NRXN3: variants seen among roughly 807,000 people sequenced by gnomAD.
NRXN3 encodes the protein neurexin III.
In NRXN3, 32 loss-of-function variants were observed where a neutral mutation model predicts 137.6. The ratio of observed to expected loss-of-function variants is 0.23; its 90% CI spans 0.18 to 0.31. The LOEUF is 0.31. Ranked by LOEUF, NRXN3 falls within the 10% of genes least tolerant of loss-of-function variation. NRXN3 has a pLI of 1.00. For synonymous variants in NRXN3, 798 were observed against 784.5 expected (o/e 1.02, Z -0.29); for missense variants, 1,574 against 2,062.5 (o/e 0.76, Z 4.59).
intron 10 of NRXN3, among the ~76,000 whole-genome samples, chr14:78,832,485 G>A (rs1247934582): frequency 1.3e-5 from 2 of 152,156 alleles, no homozygotes; most frequent in Non-Finnish European, 2.9e-5. Context: ...GGCTAAGTAA[G>A]CATGAAAGTG....
rs558855664 is a variant in NRXN3 at position 79,246,726 on chromosome 14, G to A, written c.3263-220495G>A. 8 of 152,266 alleles carry A rather than the reference G, an allele frequency of 5.3e-5. No homozygotes were observed. In the South Asian group the frequency reaches 1.7e-3, roughly 32 times the overall value. The allele number at this position is 152,266 out of a possible 1,614,324, so 9.4% of individuals were successfully genotyped here. On this transcript the variant is annotated intron_variant, in intron 15 of 20. Coordinates refer to ENST00000335750, the MANE Select transcript of NRXN3 (RefSeq NM_001330195.2). Reference sequence around the variant, plus strand: ...AAAGCAAAACTGGATCAGGTTTACAGATGATGAGTTTTGTTTTCCCTGCAA... The same window carrying A: ...AAAGCAAAACTGGATCAGGTTTACAAATGATGAGTTTTGTTTTCCCTGCAA...
At chr14:79,096,055 G>C (rs1255081229) in intron 15 of NRXN3, among the ~76,000 whole-genome samples, 4 of 151,346 alleles carry the variant, frequency 2.6e-5, no homozygotes, top group Admixed American at 2.6e-4. Context: ...TTCTTCCTGA[G>C]GCCCCTCCTC....
At chr14:79,441,364 A>ATTTTTTTTTTT (rs2095942733) in intron 15 of NRXN3, among the ~76,000 whole-genome samples, 1 of 108,332 alleles carries the variant, frequency 9.2e-6, no homozygotes, top group Admixed American at 9.7e-5. Flanking sequence ...CAAACAGAAA[A>ATTTTTTTTTTT]TCTTTTTTTT....
intron 14 of NRXN3, among the ~76,000 whole-genome samples, chr14:78,973,749 G>A (rs754131679): frequency 2.0e-5 from 3 of 152,148 alleles, no homozygotes; most frequent in Non-Finnish European, 2.9e-5. Flanking sequence ...AACAAGGGAG[G>A]AACAAGCATT....
At chr14:79,720,601 A>G (rs935792276) in intron 19 of NRXN3, among the ~76,000 whole-genome samples, 1 of 152,132 alleles carries the variant, frequency 6.6e-6, no homozygotes, top group African/African-American at 2.4e-5. Flanking sequence ...CTGCTATGCA[A>G]TCTATAATGA....
At chr14:79,185,078 A>G (rs1480975067) in intron 15 of NRXN3, among the ~76,000 whole-genome samples, 2 of 152,234 alleles carry the variant, frequency 1.3e-5, no homozygotes, top group Non-Finnish European at 2.9e-5. Flanking sequence ...TTAAGAAGTT[A>G]TTAGTCCTTT....
chr14:78,796,978 C>A (rs1290821590), intron 8 of NRXN3, among the ~76,000 whole-genome samples: 1 of 152,050 alleles, frequency 6.6e-6, no homozygotes, highest in Non-Finnish European at 1.5e-5. Flanking sequence ...GAACATGAGG[C>A]AAGATCATAA....
intron 16 of NRXN3, among the ~76,000 whole-genome samples, chr14:79,487,043 C>A (rs2096663973): frequency 6.6e-6 from 1 of 151,598 alleles, no homozygotes; most frequent in African/African-American, 2.4e-5. Context: ...AAAGGTTCTG[C>A]AGCCAGATTG....
chr14:79,071,661 G>C (rs546157444), intron 15 of NRXN3, among the ~76,000 whole-genome samples: 1 of 152,276 alleles, frequency 6.6e-6, no homozygotes, highest in South Asian at 2.1e-4. Flanking sequence ...ATGGTTACCA[G>C]AGGCTGGGAA....
intron 4 of NRXN3, among the ~76,000 whole-genome samples, chr14:78,605,686 T>C (rs1483872076): frequency 1.3e-5 from 2 of 151,890 alleles, no homozygotes; most frequent in Non-Finnish European, 2.9e-5. Context: ...AGTGCTATAT[T>C]TGAACATCTA....
At chr14:78,281,559 G>C (rs144499103) in intron 3 of NRXN3, among the ~76,000 whole-genome samples, 2,016 of 152,274 alleles carry the variant, frequency 0.013, 17 homozygotes, top group Non-Finnish European at 0.022. Context: ...AAAAGGGGCA[G>C]GCACATTTTC....
At chr14:79,357,320 A>G (rs1324531413) in intron 15 of NRXN3, among the ~76,000 whole-genome samples, 1 of 152,198 alleles carries the variant, frequency 6.6e-6, no homozygotes, top group East Asian at 1.9e-4. Context: ...TTCATAATTT[A>G]TTATAAACTT....
intron 1 of NRXN3, among the ~76,000 whole-genome samples, chr14:78,175,650 G>A (rs2059189019): frequency 6.6e-6 from 1 of 152,108 alleles, no homozygotes; most frequent in Non-Finnish European, 1.5e-5. Context: ...GCGGTGCTGT[G>A]GCTGGGCCAG....
intron 15 of NRXN3, among the ~76,000 whole-genome samples, chr14:79,061,604 TG>T (rs1186194105): frequency 1.3e-5 from 2 of 152,154 alleles, no homozygotes; most frequent in African/African-American, 4.8e-5. Flanking sequence ...AGCACTGCAG[TG>T]GAATGCTGTG....
At chr14:78,483,328 A>G (rs977542299) in intron 4 of NRXN3, among the ~76,000 whole-genome samples, 3 of 152,144 alleles carry the variant, frequency 2.0e-5, no homozygotes, top group Non-Finnish European at 4.4e-5. Flanking sequence ...CAACTCTTAA[A>G]TTTCTCTCCA....
intron 15 of NRXN3, among the ~76,000 whole-genome samples, chr14:79,144,233 C>T (rs1488545898): frequency 6.6e-6 from 1 of 152,158 alleles, no homozygotes; most frequent in Admixed American, 6.5e-5. Context: ...AACACAGTCC[C>T]CACCATGCCC....
intron 4 of NRXN3, among the ~76,000 whole-genome samples, chr14:78,362,389 T>C (rs1328261698): frequency 2.0e-5 from 3 of 152,136 alleles, no homozygotes; most frequent in Admixed American, 6.5e-5. Flanking sequence ...AAAATTTTGT[T>C]CTTTGTGGAA....
At chr14:79,008,241 T>C (rs114662582) in intron 15 of NRXN3, among the ~76,000 whole-genome samples, 1,706 of 152,322 alleles carry the variant, frequency 0.011, 26 homozygotes, top group African/African-American at 0.04. Context: ...ATTACTTTTT[T>C]AAAAGCCCAA....
chr14:78,398,351 A>G (rs1007368712), intron 4 of NRXN3, among the ~76,000 whole-genome samples: 1 of 151,950 alleles, frequency 6.6e-6, no homozygotes, highest in Non-Finnish European at 1.5e-5. Flanking sequence ...TGAAACCTGG[A>G]CACTTTGGTT....
Sources: allele counts gnomAD v4.1 joint callset (sites outside exome capture counted in the v4.1 genomes callset), GRCh38; gene constraint gnomAD v4.1.1; transcripts MANE v1.5; gene names NCBI Gene and HGNC (gene_info 2026-07-23, HGNC 2026-07-21).